The following DLG2 variants were observed in gnomAD, a reference collection of about 807,000 sequenced individuals.
DLG2 encodes the protein disks large homolog 2.
A neutral mutation model predicts 132.5 loss-of-function variants in DLG2; 45 were observed. The ratio of observed to expected loss-of-function variants is 0.34; its 90% CI spans 0.27 to 0.44. DLG2 has a LOEUF of 0.44. Ranked by LOEUF, DLG2 falls within the 20% of genes least tolerant of loss-of-function variation. DLG2 has a pLI of 1.00. For synonymous variants in DLG2, 424 were observed against 419.6 expected, an observed-to-expected ratio of 1.01 and a Z score of -0.13; for missense variants, 1,045 against 1,196.9, an observed-to-expected ratio of 0.87 and a Z score of 1.87.
chr11:83,925,064 A>T (rs2078702271), intron 15 of DLG2, among the ~76,000 whole-genome samples: 1 of 152,122 alleles, frequency 6.6e-6, no homozygotes, highest in Admixed American at 6.6e-5. Context: ...TAAATTAAAT[A>T]AGCAGGAGGC....
intron 6 of DLG2, among the ~76,000 whole-genome samples, chr11:84,888,016 C>A (rs1418108049): frequency 6.6e-6 from 1 of 151,968 alleles, no homozygotes. Context: ...TTGTAATAAA[C>A]AACAACAACA....
At chr11:85,374,286 A>G (rs2085225549) in intron 3 of DLG2, among the ~76,000 whole-genome samples, 1 of 152,192 alleles carries the variant, frequency 6.6e-6, no homozygotes, top group African/African-American at 2.4e-5. Flanking sequence ...GAGGGAAGGA[A>G]TGCACTGGTA....
At chr11:85,501,643 A>AT in intron 3 of DLG2, among the ~76,000 whole-genome samples, 1 of 152,350 alleles carries the variant, frequency 6.6e-6, no homozygotes, top group East Asian at 1.9e-4. Flanking sequence ...GAAGACATTT[A>AT]GCTAGCCAAC....
chr11:85,491,780 C>G (rs921569371), intron 3 of DLG2, among the ~76,000 whole-genome samples: 1 of 152,020 alleles, frequency 6.6e-6, no homozygotes, highest in Non-Finnish European at 1.5e-5. Flanking sequence ...ATCCTATGTT[C>G]ATGAATTGGA....
intron 4 of DLG2, among the ~76,000 whole-genome samples, chr11:85,203,963 AAACATTTGGTAAAATTC>A (rs1261838559): frequency 6.6e-6 from 1 of 152,186 alleles, no homozygotes; most frequent in Non-Finnish European, 1.5e-5. Context: ...GATGCTGGAA[AAACATTTGGTAAAATTC>A]AACATCTCTT....
chr11:85,165,515 T>G (rs1362713977), intron 4 of DLG2, among the ~76,000 whole-genome samples: 1 of 152,174 alleles, frequency 6.6e-6, no homozygotes, highest in Admixed American at 6.6e-5. Flanking sequence ...TCTCCTCTGT[T>G]TTAACTCTAT....
intron 3 of DLG2, among the ~76,000 whole-genome samples, chr11:85,467,695 C>T (rs2092838985): frequency 6.6e-6 from 1 of 151,950 alleles, no homozygotes; most frequent in Non-Finnish European, 1.5e-5. Context: ...TTTGATGTGC[C>T]CCTGAATTCA....
intron 3 of DLG2, among the ~76,000 whole-genome samples, chr11:85,555,429 G>C (rs2076887538): frequency 6.6e-6 from 1 of 151,792 alleles, no homozygotes. Context: ...TCACATTGTT[G>C]AGGTGCAGAG....
At chr11:85,050,118 T>TCACACACACACACACACACACACA (rs33991615) in intron 6 of DLG2, among the ~76,000 whole-genome samples, 11 of 136,824 alleles carry the variant, frequency 8.0e-5, no homozygotes, top group South Asian at 5.1e-4. Flanking sequence ...CACTGTGTCA[T>TCACACACACACACACACACACACA]CACACACACA....
At chr11:83,814,457 T>A (rs1053427076) in intron 17 of DLG2, 5 of 212,716 alleles carry the variant, frequency 2.4e-5, no homozygotes, top group Admixed American at 8.4e-5. Flanking sequence ...TACACAACTT[T>A]AAAGCTTGAG....
intron 7 of DLG2, among the ~76,000 whole-genome samples, chr11:84,501,366 A>C (rs147026717): frequency 0.03 from 4,531 of 152,280 alleles, 236 homozygotes; most frequent in African/African-American, 0.1. Flanking sequence ...GTAGTTCGAG[A>C]CCAGCCTGGC....
intron 3 of DLG2, among the ~76,000 whole-genome samples, chr11:85,475,908 G>C (rs1157130064): frequency 6.6e-6 from 1 of 152,050 alleles, no homozygotes; most frequent in Non-Finnish European, 1.5e-5. Context: ...GCTATTTTTA[G>C]GGGGAAATCT....
chr11:85,357,704 TTATATATATATATA>T lies in DLG2; in HGVS notation c.41-72353_41-72340del, dbSNP rs58283704. 1.6e-3 allele frequency among the ~76,000 whole-genome samples: 168 copies of T among 106,238 alleles called. 2 individuals are homozygous for T. Among genetic ancestry groups the T allele is most frequent in the South Asian group, 2.6e-3 (7 of 2,722 alleles). 69.7% of individuals were successfully genotyped at this position (106,238 alleles called of 152,430 possible). Reference sequence around the variant, plus strand: ...ACAATACGCCAGGCACTGTTCTGAATTATATATATATATATATATATATATATATATATATATAT... The same window carrying T: ...ACAATACGCCAGGCACTGTTCTGAATTATATATATATATATATATATATAT... On this transcript the variant is annotated intron_variant, in intron 3 of 27. Transcript: ENST00000376104.
At chr11:84,803,868 G>T (rs1293448502) in intron 6 of DLG2, among the ~76,000 whole-genome samples, 1 of 152,150 alleles carries the variant, frequency 6.6e-6, no homozygotes, top group Non-Finnish European at 1.5e-5. Context: ...CATGAGAACA[G>T]AGACCTAGGC....
intron 11 of DLG2, among the ~76,000 whole-genome samples, chr11:83,996,298 C>A (rs904469695): frequency 6.6e-6 from 1 of 152,082 alleles, no homozygotes; most frequent in Non-Finnish European, 1.5e-5. Flanking sequence ...GTTAAAATGG[C>A]CTATGTCCAA....
chr11:84,824,380 A>AT (rs2078074619), intron 6 of DLG2, among the ~76,000 whole-genome samples: 1 of 151,888 alleles, frequency 6.6e-6, no homozygotes, highest in African/African-American at 2.4e-5. Flanking sequence ...AAAAAAAGAG[A>AT]TTTTCAGTAA....
In DLG2 at chr11:85,560,749, T is replaced by C. The variant is rs550211219; in HGVS notation, c.40+37908A>G. On this transcript the variant is annotated intron_variant, in intron 3 of 27. Transcript: ENST00000376104. ...ATGTCTTTTTAAAAGTGCTGTGAGC[T>C]GGCTAGGCACAGTGGCTTATGCCTG... 1.4e-4 allele frequency among the ~76,000 whole-genome samples: 21 copies of C among 152,020 alleles called. No individual in the cohort carries two copies. In the South Asian group the frequency reaches 4.2e-3, roughly 30 times the overall value.
At chr11:85,485,915 C>A (rs2093418733) in intron 3 of DLG2, among the ~76,000 whole-genome samples, 1 of 152,170 alleles carries the variant, frequency 6.6e-6, no homozygotes, top group African/African-American at 2.4e-5. Context: ...AGTGCAGCTG[C>A]CACCACTAGG....
At chr11:84,151,536 T>A (rs923261131) in intron 9 of DLG2, among the ~76,000 whole-genome samples, 1 of 152,318 alleles carries the variant, frequency 6.6e-6, no homozygotes, top group African/African-American at 2.4e-5. Flanking sequence ...TATTTTTGCA[T>A]CTTGATTTTA....
Sources: allele counts gnomAD v4.1 joint callset (sites outside exome capture counted in the v4.1 genomes callset), GRCh38; gene constraint gnomAD v4.1.1; transcripts MANE v1.5; gene names NCBI Gene and HGNC (gene_info 2026-07-23, HGNC 2026-07-21).